The following DIMT1 variants were observed in gnomAD, a reference collection of about 807,000 sequenced individuals.
The protein encoded by DIMT1 is DIM1 rRNA methyltransferase and ribosome maturation factor.
In DIMT1, 36 loss-of-function variants were observed where a neutral mutation model predicts 43.2. The observed-to-expected ratio is 0.83, with a 90% CI of 0.64 to 1.10. The LOEUF (loss-of-function observed/expected upper bound fraction) is 1.10, where lower values mean the gene tolerates loss of function less well. Ranked by LOEUF, DIMT1 falls within the 50% of genes least tolerant of loss-of-function variation. DIMT1 has a pLI of 0.00. For missense variants in DIMT1, 341 were observed against 385.3 expected, an observed-to-expected ratio of 0.88 and a Z score of 0.96; for synonymous variants, 126 against 130.3, an observed-to-expected ratio of 0.97 and a Z score of 0.22.
chr5:62,401,986 G>A (rs1448496371), intron 3 of DIMT1, 50 bp downstream of exon 3: 2 of 1,550,876 alleles, frequency 1.3e-6, no homozygotes, highest in Non-Finnish European at 8.9e-7. Flanking sequence ...AACCAACTGA[G>A]CTTGCTAACA....
At position 62,387,918 on chromosome 5, in the gene DIMT1, C is replaced by T. The variant is rs1742114340; in HGVS notation, c.*1092G>A. ...CTTTGTTAAATTAATTGGAAACACT[C>T]TTCTATTAAGTTAGGTATTAAAAAA... On this transcript the variant is annotated 3_prime_UTR_variant, in exon 12 of 12. Transcript: ENST00000199320. 1 of 151,914 alleles carries T rather than the reference C, an allele frequency of 6.6e-6. No individual in the cohort carries two copies. Among genetic ancestry groups the T allele is most frequent in the Non-Finnish European group, 1.5e-5 (1 of 67,964 alleles). The allele number at this position is 151,914 out of a possible 1,614,324, so 9.4% of individuals were successfully genotyped here.
intron 10 of DIMT1, chr5:62,391,604 G>T (rs768382314): frequency 1.2e-5 from 9 of 728,740 alleles, no homozygotes; most frequent in African/African-American, 1.9e-5. Context: ...AAAATAAAAA[G>T]AAAATTGGCC....
intron 2 of DIMT1, among the ~76,000 whole-genome samples, 172 bp from the exon 3 acceptor site, chr5:62,402,294 G>A (rs1195989464): frequency 6.6e-6 from 1 of 152,108 alleles, no homozygotes; most frequent in Non-Finnish European, 1.5e-5. Flanking sequence ...ATAACATTTG[G>A]TGCAAATGAA....
Position 62,388,695 on chromosome 5 carries a change from A to C in DIMT1, c.*315T>G. The C allele has an allele frequency of 1.3e-5, 4 of 319,128 alleles. No homozygotes were observed. The highest frequency in any genetic ancestry group is 2.3e-5 in the Non-Finnish European group (4 of 172,336). The allele number at this position is 319,128 out of a possible 1,614,324, so 19.8% of individuals were successfully genotyped here. A position where few individuals can be genotyped will look rare whatever the true frequency, so the allele number is the denominator to read the frequency against. On this transcript the variant is annotated 3_prime_UTR_variant, in exon 12 of 12. Coordinates refer to ENST00000199320, the MANE Select transcript of DIMT1 (RefSeq NM_014473.4). ...TAAAGAAGGCCTTACAGTATATAAC[A>C]GTAAATAGAAGAGTAACATCTTTAT... is the stretch of plus-strand genomic sequence containing the variant.
intron 8 of DIMT1, 49 bp downstream of exon 8, chr5:62,393,906 G>A (rs543473710): frequency 6.4e-5 from 98 of 1,528,348 alleles, no homozygotes; most frequent in Admixed American, 1.1e-4. Flanking sequence ...ACATCTTCCC[G>A]CCTGGACTTT....
At chr5:62,391,852 G>T in intron 10 of DIMT1, 1 of 1,479,248 alleles carries the variant, frequency 6.8e-7, no homozygotes, top group South Asian at 1.4e-5. Context: ...ATTATTTTAA[G>T]TTGTGCAAGC....
chr5:62,398,430 T>C (rs1327229694), intron 6 of DIMT1, 81 bp downstream of exon 6: 17 of 1,389,066 alleles, frequency 1.2e-5, no homozygotes, highest in Non-Finnish European at 1.5e-5. Flanking sequence ...TCAACTGACC[T>C]GACTCATTTT....
intron 7 of DIMT1, 117 bp downstream of exon 7, chr5:62,394,367 C>T (rs887735974): frequency 7.1e-5 from 80 of 1,134,564 alleles, no homozygotes; most frequent in Middle Eastern, 4.6e-4. Flanking sequence ...ACTCGGGACT[C>T]GAGAAGATTG....
chr5:62,402,239 T>C, intron 2 of DIMT1, 117 bp from the exon 3 acceptor site: 2 of 977,776 alleles, frequency 2.0e-6, no homozygotes, highest in Non-Finnish European at 3.1e-6. Context: ...TCTGACTCCA[T>C]TTTTAGATTT....
chr5:62,389,485 CAA>C (rs775533413), intron 11 of DIMT1, among the ~76,000 whole-genome samples: 27 of 75,864 alleles, frequency 3.6e-4, no homozygotes, highest in African/African-American at 5.1e-4. Flanking sequence ...GACTCTGTCT[CAA>C]AAAAAAAAAA....
intron 10 of DIMT1, 187 bp downstream of exon 10, chr5:62,391,982 TCA>T: frequency 6.5e-7 from 1 of 1,540,550 alleles, no homozygotes; most frequent in South Asian, 1.2e-5. Context: ...CATATCTGTT[TCA>T]CAGGATACAC....
chr5:62,394,743 CT>C (rs886414845), intron 6 of DIMT1, 136 bp from the exon 7 acceptor site: 227 of 1,229,284 alleles, frequency 1.8e-4, no homozygotes, highest in Middle Eastern at 2.9e-4. Flanking sequence ...CACATTCAGC[CT>C]TTTTTTTATT....
rs1742169211 is a variant in DIMT1 at position 62,389,061 on chromosome 5, A to G, written c.900-9T>C. On this transcript the variant is annotated splice_polypyrimidine_tract_variant and intron_variant, in intron 11 of 11. Coordinates refer to ENST00000199320, the MANE Select transcript of DIMT1 (RefSeq NM_014473.4). The stretch of plus-strand genomic sequence containing the variant: ...TGAATCCATGTAGCAATCTGAAAAA[A>G]GAAATCAAAATGGAATGGTACTGAA... 1.9e-6 allele frequency: 3 copies of G among 1,559,928 alleles called. No individual in the cohort carries two copies. Among genetic ancestry groups the G allele is most frequent in the Admixed American group, 1.7e-5 (1 of 58,478 alleles).
In DIMT1 at chr5:62,398,537, C is replaced by G. The variant is rs1289187151; in HGVS notation, c.420G>C (p.Lys140Asn). The G allele has an allele frequency of 6.2e-7, 1 of 1,612,986 alleles. No individual in the cohort carries two copies. The highest frequency in any genetic ancestry group is 1.1e-5 in the South Asian group (1 of 91,068). Residue 140 changes from lysine to asparagine, a missense_variant, in exon 6 of 12, where the codon AAG becomes AAC. Lys to Asn is a moderately conservative substitution (Grantham distance 94). Coordinates refer to ENST00000199320, the MANE Select transcript of DIMT1 (RefSeq NM_014473.4). ...PYQISSPFVF[K>N]LLLHRPFFRC... Reference sequence around the variant, plus strand: ...TGAAAAAAGGTCGATGTAGCAACAGCTTGAAGACAAAAGGTGAAGAGATCT... The same window carrying G: ...TGAAAAAAGGTCGATGTAGCAACAGGTTGAAGACAAAAGGTGAAGAGATCT...
intron 2 of DIMT1, 25 bp from the exon 3 acceptor site, chr5:62,402,147 G>C: frequency 6.2e-7 from 1 of 1,610,974 alleles, no homozygotes; most frequent in Non-Finnish European, 8.5e-7. Context: ...AAACACTTTA[G>C]CTCTTCTGGC....
At chr5:62,392,566 C>T (rs1742348171) in intron 9 of DIMT1, among the ~76,000 whole-genome samples, 1 of 152,088 alleles carries the variant, frequency 6.6e-6, no homozygotes, top group Non-Finnish European at 1.5e-5. Flanking sequence ...TACCCTTGAA[C>T]CCCAAATTGA....
At chr5:62,402,173 A>C in intron 2 of DIMT1, 51 bp from the exon 3 acceptor site, 1 of 1,574,574 alleles carries the variant, frequency 6.4e-7, no homozygotes, top group Non-Finnish European at 8.7e-7. Flanking sequence ...CAGAACACAG[A>C]AGTTAATTTA....
intron 6 of DIMT1, among the ~76,000 whole-genome samples, chr5:62,397,497 C>T (rs926198237): frequency 3.9e-5 from 6 of 152,288 alleles, no homozygotes; most frequent in Admixed American, 3.3e-4. Flanking sequence ...TGTTGTTCCT[C>T]GTCACTTAGG....
At chr5:62,399,005 A>G in intron 3 of DIMT1, 124 bp from the exon 4 acceptor site, 2 of 808,250 alleles carry the variant, frequency 2.5e-6, no homozygotes, top group Non-Finnish European at 3.9e-6. Flanking sequence ...TACCATCAAT[A>G]TTCCTTTAAT....
Sources: allele counts gnomAD v4.1 joint callset (sites outside exome capture counted in the v4.1 genomes callset), GRCh38; gene constraint gnomAD v4.1.1; transcripts MANE v1.5; gene names NCBI Gene and HGNC (gene_info 2026-07-23, HGNC 2026-07-21).